Variants in SUPT3H observed in about 807,000 individuals in gnomAD.
The protein encoded by SUPT3H is transcription initiation protein SPT3 homolog.
Under a neutral mutation model 44.3 loss-of-function variants are expected in SUPT3H, and 44 were observed. The ratio of observed to expected loss-of-function variants is 0.99; its 90% CI spans 0.78 to 1.28. The LOEUF (loss-of-function observed/expected upper bound fraction) is 1.28. Among genes scored for constraint, SUPT3H ranks in the 50% most tolerant of loss-of-function variants. The pLI is 0.00. For synonymous variants in SUPT3H, 124 were observed against 125.6 expected, an observed-to-expected ratio of 0.99 and a Z score of 0.09; for missense variants, 380 against 387.1, an observed-to-expected ratio of 0.98 and a Z score of 0.15.
chr6:45,097,000 CAAAG>C (rs1797877942), intron 3 of SUPT3H, among the ~76,000 whole-genome samples: 1 of 151,932 alleles, frequency 6.6e-6, no homozygotes, highest in Admixed American at 6.6e-5. Flanking sequence ...TGCTGTAGGA[CAAAG>C]AGAGTGTAGT....
At chr6:44,988,133 G>C (rs1780075809) in intron 6 of SUPT3H, among the ~76,000 whole-genome samples, 1 of 152,032 alleles carries the variant, frequency 6.6e-6, no homozygotes, top group Non-Finnish European at 1.5e-5. Flanking sequence ...GCAGGCATTG[G>C]TGCAGTGTGA....
chr6:45,127,685 T>C (rs933516715), intron 2 of SUPT3H, among the ~76,000 whole-genome samples: 3 of 152,228 alleles, frequency 2.0e-5, no homozygotes, highest in African/African-American at 7.2e-5. Flanking sequence ...CTTTTCTCTA[T>C]TGTCTGTTTT....
At chr6:45,005,054 G>T (rs1782512027) in intron 5 of SUPT3H, among the ~76,000 whole-genome samples, 1 of 152,050 alleles carries the variant, frequency 6.6e-6, no homozygotes, top group African/African-American at 2.4e-5. Context: ...AGATTCACAA[G>T]GATGGAACTA....
intron 2 of SUPT3H, among the ~76,000 whole-genome samples, chr6:45,286,145 A>G (rs1489369615): frequency 2.6e-5 from 4 of 151,778 alleles, no homozygotes; most frequent in Admixed American, 1.3e-4. Context: ...TAAAAACCCT[A>G]GAAGAAAACC....
At chr6:44,976,170 A>C (rs1778308209) in intron 6 of SUPT3H, among the ~76,000 whole-genome samples, 1 of 151,996 alleles carries the variant, frequency 6.6e-6, no homozygotes, top group African/African-American at 2.4e-5. Context: ...AAAGGAAGAA[A>C]ATTTTTTTCC....
At chr6:45,162,001 T>A (rs988761710) in intron 2 of SUPT3H, among the ~76,000 whole-genome samples, 1 of 151,158 alleles carries the variant, frequency 6.6e-6, no homozygotes, top group Admixed American at 6.6e-5. Flanking sequence ...AACAAATACA[T>A]AGGAATGTGT....
At chr6:45,133,324 C>T (rs1803769385) in intron 2 of SUPT3H, among the ~76,000 whole-genome samples, 1 of 152,192 alleles carries the variant, frequency 6.6e-6, no homozygotes, top group African/African-American at 2.4e-5. Flanking sequence ...ATTAATGAAG[C>T]TCTTTCCTTC....
intron 10 of SUPT3H, among the ~76,000 whole-genome samples, chr6:44,889,016 A>C (rs1762817136): frequency 6.8e-6 from 1 of 146,956 alleles, no homozygotes; most frequent in Admixed American, 7.0e-5. Flanking sequence ...CCCATGCACA[A>C]TTGCTTCAAA....
chr6:45,206,769 T>C (rs1048141834), intron 2 of SUPT3H, among the ~76,000 whole-genome samples: 3 of 152,200 alleles, frequency 2.0e-5, no homozygotes, highest in South Asian at 4.2e-4. Context: ...TCCAAAGATT[T>C]TGACCTGCTG....
intron 2 of SUPT3H, among the ~76,000 whole-genome samples, chr6:45,288,442 T>C (rs562582215): frequency 2.4e-3 from 364 of 151,624 alleles, no homozygotes; most frequent in South Asian, 0.017. Context: ...ATTTAGAATA[T>C]AGATGGCAAA....
chr6:45,239,669 G>A (rs375741786), intron 2 of SUPT3H, among the ~76,000 whole-genome samples: 1 of 152,146 alleles, frequency 6.6e-6, no homozygotes, highest in Non-Finnish European at 1.5e-5. Flanking sequence ...ATCACCTTTT[G>A]CAGTGTTTTA....
chr6:44,938,376 T>C (rs1176052640), intron 9 of SUPT3H, among the ~76,000 whole-genome samples: 2 of 152,268 alleles, frequency 1.3e-5, no homozygotes, highest in African/African-American at 4.8e-5. Flanking sequence ...CAAAGTTTAG[T>C]TGGCTGTAAA....
intron 9 of SUPT3H, among the ~76,000 whole-genome samples, chr6:44,947,299 A>T (rs1236027982): frequency 1.3e-5 from 2 of 152,194 alleles, no homozygotes; most frequent in Admixed American, 6.5e-5. Flanking sequence ...AGAAACATAC[A>T]AATATATTGA....
At chr6:45,133,446 T>C (rs1297293831) in intron 2 of SUPT3H, among the ~76,000 whole-genome samples, 4 of 152,104 alleles carry the variant, frequency 2.6e-5, no homozygotes, top group Non-Finnish European at 5.9e-5. Context: ...GAACTGAAAA[T>C]AAACCATACC....
rs539814048 is a variant in SUPT3H at position 44,953,982 on chromosome 6, C to T, written c.693+513G>A. Among the ~76,000 whole-genome samples the T allele has an allele frequency of 2.6e-4, 39 of 152,196 alleles. 1 individual carries two copies. The South Asian group carries it at 7.9e-3, about 31-fold the overall frequency. The stretch of plus-strand genomic sequence containing the variant: ...TGAACTCCTGACTGCAGGTGATCCA[C>T]CCACCTCGGCCTCCCAAAGTGTTGG... On this transcript the variant is annotated intron_variant, in intron 8 of 10. Coordinates refer to ENST00000371459, the MANE Select transcript of SUPT3H (RefSeq NM_003599.4).
chr6:45,216,635 A>T (rs1328368313), intron 2 of SUPT3H, among the ~76,000 whole-genome samples: 1 of 152,214 alleles, frequency 6.6e-6, no homozygotes, highest in Non-Finnish European at 1.5e-5. Context: ...GGAAATTCAA[A>T]ATGAGCAGCA....
rs144909117 is a variant in SUPT3H at position 44,954,540 on chromosome 6, G to C, written c.648C>G (p.Val216=). Residue 216 remains valine, a synonymous_variant, in exon 8 of 11, where the codon GTC becomes GTG. Transcript: ENST00000371459. Reference sequence around the variant, plus strand: ...CTAAATATGCTAAGATTTCCATTGCGACAACATTGGGTTTTATCTCCATAC... The same window carrying C: ...CTAAATATGCTAAGATTTCCATTGCCACAACATTGGGTTTTATCTCCATAC... ...CSSMEIKPNV[V]AMEILAYLAY... 6.2e-7 allele frequency: 1 copy of C among 1,614,016 alleles called. No individual in the cohort carries two copies. The highest frequency in any genetic ancestry group is 8.5e-7 in the Non-Finnish European group (1 of 1,180,002).
In SUPT3H at chr6:45,057,631, T is replaced by C. The variant is rs73737867; in HGVS notation, c.187-36999A>G. 3.9e-3 allele frequency among the ~76,000 whole-genome samples: 596 copies of C among 152,290 alleles called. 7 individuals are homozygous for C. Among genetic ancestry groups the C allele is most frequent in the African/African-American group, 0.014 (568 of 41,584 alleles). ...TTATTTTGCTGTTCAGTGTAACTCA[T>C]AGTTTTTCAGTAGTCATGTGTCTCA... On this transcript the variant is annotated intron_variant, in intron 3 of 10. Transcript: ENST00000371459.
At chr6:45,045,386 T>A (rs1789220935) in intron 3 of SUPT3H, among the ~76,000 whole-genome samples, 1 of 152,222 alleles carries the variant, frequency 6.6e-6, no homozygotes. Context: ...TCTAAAATAC[T>A]GTCATAACCC....
Sources: allele counts gnomAD v4.1 joint callset (sites outside exome capture counted in the v4.1 genomes callset), GRCh38; gene constraint gnomAD v4.1.1; transcripts MANE v1.5; gene names NCBI Gene and HGNC (gene_info 2026-07-23, HGNC 2026-07-21).